KCNQ5: variants seen among roughly 807,000 people sequenced by gnomAD.
The protein encoded by KCNQ5 is potassium voltage-gated channel subfamily Q member 5, also known as potassium voltage-gated channel subfamily KQT member 5.
Under a neutral mutation model 98.2 loss-of-function variants are expected in KCNQ5, and 30 were observed. That is an observed-to-expected ratio of 0.31 (90% CI 0.23 to 0.41). The LOEUF is 0.41. Among genes scored for constraint, KCNQ5 ranks in the 10% least tolerant of loss-of-function variants. The pLI is 1.00. For missense variants in KCNQ5, 835 were observed against 1,182.5 expected (o/e 0.71, Z 4.31); for synonymous variants, 458 against 449.4 (o/e 1.02, Z -0.24).
chr6:73,151,237 C>T (rs1278115034), intron 10 of KCNQ5, among the ~76,000 whole-genome samples: 1 of 152,118 alleles, frequency 6.6e-6, no homozygotes, highest in Non-Finnish European at 1.5e-5. Flanking sequence ...CCCACTCTAT[C>T]CCTAGACCAC....
chr6:72,676,812 C>A (rs2154473593), intron 1 of KCNQ5, among the ~76,000 whole-genome samples: 2 of 149,766 alleles, frequency 1.3e-5, no homozygotes, highest in Middle Eastern at 3.4e-3. Flanking sequence ...ATTGTATTTT[C>A]CTTCAAAAAA....
At chr6:72,735,790 G>T (rs1582193680) in intron 1 of KCNQ5, among the ~76,000 whole-genome samples, 2 of 152,012 alleles carry the variant, frequency 1.3e-5, no homozygotes, top group East Asian at 3.9e-4. Context: ...TTTGAAAAAT[G>T]AAGAAGCTTT....
intron 3 of KCNQ5, among the ~76,000 whole-genome samples, chr6:73,071,855 A>C (rs541807267): frequency 6.6e-6 from 1 of 152,188 alleles, no homozygotes; most frequent in Non-Finnish European, 1.5e-5. Context: ...AAATATCCAA[A>C]CTATAGCATA....
At chr6:72,846,766 C>T (rs2150138264) in intron 1 of KCNQ5, among the ~76,000 whole-genome samples, 1 of 152,262 alleles carries the variant, frequency 6.6e-6, no homozygotes, top group East Asian at 1.9e-4. Flanking sequence ...TCAAATTCAT[C>T]CTCAAATGGT....
chr6:72,802,201 G>T (rs1035364133), intron 1 of KCNQ5, among the ~76,000 whole-genome samples: 1 of 152,040 alleles, frequency 6.6e-6, no homozygotes, highest in African/African-American at 2.4e-5. Context: ...AAGTTCTCCT[G>T]GATAATATCC....
At chr6:73,012,841 A>G (rs1465010385) in intron 2 of KCNQ5, among the ~76,000 whole-genome samples, 6 of 148,738 alleles carry the variant, frequency 4.0e-5, no homozygotes, top group Non-Finnish European at 6.0e-5. Context: ...AAAATTAAAA[A>G]AAATTAAATG....
intron 1 of KCNQ5, among the ~76,000 whole-genome samples, chr6:72,930,321 T>A (rs1015110346): frequency 6.6e-6 from 1 of 152,104 alleles, no homozygotes; most frequent in Admixed American, 6.6e-5. Flanking sequence ...AGCAACTATG[T>A]CTTATTATCT....
At chr6:72,677,573 T>C (rs1464304947) in intron 1 of KCNQ5, among the ~76,000 whole-genome samples, 2 of 152,214 alleles carry the variant, frequency 1.3e-5, no homozygotes, top group Non-Finnish European at 1.5e-5. Flanking sequence ...TATCTTGTAA[T>C]TGAAGAACTT....
intron 1 of KCNQ5, among the ~76,000 whole-genome samples, chr6:72,970,581 T>C (rs956348505): frequency 2.0e-5 from 3 of 152,158 alleles, no homozygotes; most frequent in Admixed American, 2.0e-4. Context: ...GGCATCACGC[T>C]ACCTAACTTC....
intron 1 of KCNQ5, among the ~76,000 whole-genome samples, chr6:72,815,671 G>A (rs192199690): frequency 7.2e-5 from 11 of 152,278 alleles, no homozygotes; most frequent in Non-Finnish European, 1.2e-4. Context: ...AGATTTAAGC[G>A]TCAGGAAGTC....
At chr6:73,007,419 G>A (rs150748640) in intron 2 of KCNQ5, among the ~76,000 whole-genome samples, 1 of 152,256 alleles carries the variant, frequency 6.6e-6, no homozygotes, top group African/African-American at 2.4e-5. Context: ...AAAGTGAATA[G>A]GAGGATTCTA....
At chr6:72,956,988 G>A (rs1475136422) in intron 1 of KCNQ5, among the ~76,000 whole-genome samples, 3 of 152,122 alleles carry the variant, frequency 2.0e-5, no homozygotes, top group Admixed American at 6.6e-5. Flanking sequence ...AGCACTAGGT[G>A]TTCAGGCCCG....
intron 1 of KCNQ5, among the ~76,000 whole-genome samples, chr6:72,727,713 A>T (rs995369285): frequency 6.6e-6 from 1 of 152,182 alleles, no homozygotes; most frequent in African/African-American, 2.4e-5. Context: ...GTATTCAGGA[A>T]GTATTTATTT....
chr6:72,786,848 T>C (rs1582288133), intron 1 of KCNQ5, among the ~76,000 whole-genome samples: 1 of 151,058 alleles, frequency 6.6e-6, no homozygotes, highest in East Asian at 1.9e-4. Context: ...CTACTAAAAA[T>C]ACAAAAAATT....
At chr6:73,095,366 A>AT (rs770481903) in intron 5 of KCNQ5, among the ~76,000 whole-genome samples, 2 of 152,084 alleles carry the variant, frequency 1.3e-5, no homozygotes, top group Non-Finnish European at 2.9e-5. Context: ...CGGGCTTCAC[A>AT]TGTCTCTGGT....
intron 1 of KCNQ5, among the ~76,000 whole-genome samples, chr6:72,760,151 G>A (rs950178356): frequency 4.6e-5 from 7 of 152,066 alleles, no homozygotes; most frequent in African/African-American, 1.7e-4. Flanking sequence ...CAAAGCAAGG[G>A]TATGCAACTA....
rs372427870 is a variant in KCNQ5, at chr6:72,622,471, C to T, written c.282C>T (p.Leu94=). 3 of 1,604,348 alleles carry T rather than the reference C, an allele frequency of 1.9e-6. No individual in the cohort carries two copies. The South Asian group carries it at 3.3e-5, about 18-fold the overall frequency. ...GARMSLLGKP[L]SYTSSQSCRR... ...GGATGAGCCTGCTGGGGAAGCCGCTCTCTTACACGAGTAGCCAGAGCTGCC... is the reference window on the plus strand; with the variant it reads ...GGATGAGCCTGCTGGGGAAGCCGCTTTCTTACACGAGTAGCCAGAGCTGCC... The change falls in exon 1 of 14, where the codon CTC becomes CTT. Residue 94 remains leucine, a synonymous_variant. Transcript: ENST00000370398. This position sits in a 1 kb window ranked among gnomAD's most constrained non-coding sequence, Gnocchi z 6.0.
intron 11 of KCNQ5, among the ~76,000 whole-genome samples, chr6:73,187,576 A>G (rs139040447): frequency 3.9e-5 from 6 of 152,344 alleles, no homozygotes; most frequent in Middle Eastern, 3.4e-3. Flanking sequence ...ATGTATAAAA[A>G]TAAATGATAA....
rs1776135672 is a variant in KCNQ5 at position 72,829,369 on chromosome 6, C to A, written c.399-174539C>A. Among the ~76,000 whole-genome samples, 2 of 152,136 alleles carry A rather than the reference C, an allele frequency of 1.3e-5. 1 individual carries two copies. Among genetic ancestry groups the A allele is most frequent in the South Asian group, 4.1e-4 (2 of 4,824 alleles). On this transcript the variant is annotated intron_variant, in intron 1 of 13. Coordinates refer to ENST00000370398, the MANE Select transcript of KCNQ5 (RefSeq NM_019842.4). ...TTGGCCCAAGGCATTTTTGTTCACA[C>A]CTTATAAAGGAGCATTTTTGGTTCT...
Sources: allele counts gnomAD v4.1 joint callset (sites outside exome capture counted in the v4.1 genomes callset), GRCh38; gene constraint gnomAD v4.1.1; non-coding constraint Gnocchi (gnomAD v3.1); transcripts MANE v1.5; gene names NCBI Gene and HGNC (gene_info 2026-07-23, HGNC 2026-07-21).